The following NSUN7 variants were observed in gnomAD, a reference collection of about 807,000 sequenced individuals.
NSUN7 encodes NOP2/Sun RNA methyltransferase family member 7.
NSUN7 carries 39 observed loss-of-function variants against 58.5 expected under a neutral mutation model. The ratio of observed to expected loss-of-function variants is 0.67; its 90% confidence interval spans 0.52 to 0.87. The LOEUF (loss-of-function observed/expected upper bound fraction) is 0.87, where lower values mean the gene tolerates loss of function less well. NSUN7 is among the 40% of genes least tolerant of loss of function. NSUN7 has a pLI of 0.00. For missense variants in NSUN7, 765 were observed against 844.1 expected (o/e 0.91, Z 1.16); for synonymous variants, 278 against 303.7 (o/e 0.92, Z 0.88).
intron 7 of NSUN7, among the ~76,000 whole-genome samples, chr4:40,781,824 AG>A (rs58389838): frequency 0.016 from 2,446 of 152,350 alleles, 65 homozygotes; most frequent in African/African-American, 0.055. Flanking sequence ...AAAACTTCAA[AG>A]AACAGAAAAA....
Position 40,790,671 on chromosome 4 carries a change from T to C in NSUN7, c.1106T>C (p.Val369Ala). 6.2e-7 allele frequency: 1 copy of C among 1,603,102 alleles called. No individual in the cohort carries two copies. The highest frequency in any genetic ancestry group is 8.5e-7 in the Non-Finnish European group (1 of 1,173,718). The change falls in exon 8 of 12, where the codon GTG (valine) becomes GCG (alanine). Residue 369 changes from valine to alanine, a missense_variant. Coordinates refer to ENST00000381782, the MANE Select transcript of NSUN7 (RefSeq NM_024677.6). ...GATCACAGGTTACAGAAAGTTAAAG[T>C]GATTTTGCTGCTACCTCGTTGTTCA... The part of the protein sequence containing the change: ...SKDHRLQKVK[V>A]ILLLPRCSGL...
chr4:40,754,146 C>CT (rs375750265), intron 2 of NSUN7, among the ~76,000 whole-genome samples: 40,336 of 141,126 alleles, frequency 0.29, 5,836 homozygotes, highest in Middle Eastern at 0.34. Flanking sequence ...TGCTATTTTC[C>CT]TTTTTTTTTT....
chr4:40,807,023 C>T, intron 10 of NSUN7, 38 bp from the exon 11 acceptor site: 1 of 1,542,654 alleles, frequency 6.5e-7, no homozygotes. Context: ...GCAAAGAAGC[C>T]ATTCTAACTG....
chr4:40,780,754 T>TACAC (rs796117262), intron 7 of NSUN7, among the ~76,000 whole-genome samples: 10,827 of 103,816 alleles, frequency 0.1, 801 homozygotes, highest in Non-Finnish European at 0.14. Flanking sequence ...AACATTGAAA[T>TACAC]ACACACACAC....
chr4:40,750,401 T>G, intron 1 of NSUN7, 101 bp downstream of exon 1: 1 of 312,550 alleles, frequency 3.2e-6, no homozygotes, highest in South Asian at 4.7e-5. Context: ...AAGCCGTCGG[T>G]CTCCTTGGGG....
At chr4:40,759,838 C>T (rs747519805) in intron 2 of NSUN7, among the ~76,000 whole-genome samples, 10 of 152,136 alleles carry the variant, frequency 6.6e-5, no homozygotes, top group East Asian at 1.9e-4. Flanking sequence ...GTCAGGAATT[C>T]GAGACCAGCC....
At chr4:40,801,720 A>G (rs1743587921) in intron 10 of NSUN7, among the ~76,000 whole-genome samples, 1 of 152,030 alleles carries the variant, frequency 6.6e-6, no homozygotes, top group Non-Finnish European at 1.5e-5. Context: ...CAATGTGGTG[A>G]AACCTCATCT....
intron 7 of NSUN7, among the ~76,000 whole-genome samples, chr4:40,782,975 T>C (rs1742647261): frequency 6.6e-6 from 1 of 152,228 alleles, no homozygotes; most frequent in Admixed American, 6.5e-5. Flanking sequence ...ATTGCAGTTC[T>C]TATAAAAAGC....
rs552898959 is a variant in NSUN7, at chr4:40,771,265, A to G, written c.489-3000A>G. ...CTAGTCTCTGCTTCTCTGTGCCTCC[A>G]TTCTCTTATCATTCTATATTTCCAG... On this transcript the variant is annotated intron_variant, in intron 4 of 11. Transcript: ENST00000381782. 4.6e-5 allele frequency among the ~76,000 whole-genome samples: 7 copies of G among 152,302 alleles called. No individual in the cohort carries two copies. In the East Asian group the frequency reaches 1.4e-3, roughly 29 times the overall value.
chr4:40,807,349 T>C (rs948946546), intron 11 of NSUN7, among the ~76,000 whole-genome samples, 165 bp downstream of exon 11: 1 of 116,904 alleles, frequency 8.6e-6, no homozygotes, highest in African/African-American at 3.1e-5. Context: ...TAAGCCCTGT[T>C]CTTTTTTTTT....
intron 2 of NSUN7, among the ~76,000 whole-genome samples, chr4:40,755,828 G>C (rs1276984781): frequency 3.9e-5 from 6 of 152,244 alleles, no homozygotes; most frequent in African/African-American, 1.4e-4. Context: ...GAGTCCAGGA[G>C]AGACTAGACG....
At chr4:40,785,985 G>C in intron 7 of NSUN7, 1 of 1,309,630 alleles carries the variant, frequency 7.6e-7, no homozygotes, top group South Asian at 1.8e-5. Context: ...CAGCGGCTGG[G>C]AGAGACGCTG....
intron 7 of NSUN7, among the ~76,000 whole-genome samples, chr4:40,790,236 AG>A (rs1743019121): frequency 6.6e-6 from 1 of 152,202 alleles, no homozygotes; most frequent in Admixed American, 6.5e-5. Flanking sequence ...CATTTTATGA[AG>A]AAGGAAATGG....
At chr4:40,759,936 G>A (rs1200722180) in intron 2 of NSUN7, among the ~76,000 whole-genome samples, 1 of 152,182 alleles carries the variant, frequency 6.6e-6, no homozygotes, top group Non-Finnish European at 1.5e-5. Context: ...AGCTACTCTG[G>A]AGGCTGAGGC....
chr4:40,799,073 CTTTTTTTTTTTTT>C lies in NSUN7; in HGVS notation c.1400+186_1400+198del, dbSNP rs761448412. On this transcript the variant is annotated intron_variant, in intron 10 of 11. Transcript: ENST00000381782. ...AACCAAGATTCCATAGGGCCTTTTT[CTTTTTTTTTTTTT>C]TTTTTTTTTTTTTTTTAAAGATGGA... Among the ~76,000 whole-genome samples, 5 of 76,246 alleles carry C rather than the reference CTTTTTTTTTTTTT, an allele frequency of 6.6e-5. No individual in the cohort carries two copies. The South Asian group carries it at 1.4e-3, about 21-fold the overall frequency. The allele number at this position is 76,246 out of a possible 152,430, so 50.0% of individuals were successfully genotyped here.
chr4:40,777,628 A>T (rs1053554494), intron 7 of NSUN7, among the ~76,000 whole-genome samples: 2 of 152,184 alleles, frequency 1.3e-5, no homozygotes, highest in African/African-American at 4.8e-5. Context: ...TATCTTCTAA[A>T]TTTTTTCTAA....
chr4:40,790,746 G>T lies in NSUN7; in HGVS notation c.1180+1G>T, dbSNP rs1276387505. 1.9e-6 allele frequency: 3 copies of T among 1,564,670 alleles called. No individual in the cohort carries two copies. The highest frequency in any genetic ancestry group is 2.3e-5 in the East Asian group (1 of 43,592). On this transcript the variant is annotated splice_donor_variant, in intron 8 of 11. Transcript: ENST00000381782. LOFTEE classifies it high-confidence loss of function. ...GAATTTATTTTAAATGAACATGAAG[G>T]TACTTGTTTTAATTTCTAAATTATT...
rs1186837432 is a variant in NSUN7 at position 40,750,097 on chromosome 4, C to A, written c.-295C>A. 1 of 152,496 alleles carries A rather than the reference C, an allele frequency of 6.6e-6. No homozygotes were observed. The highest frequency in any genetic ancestry group is 1.9e-4 in the East Asian group (1 of 5,188). 9.4% of individuals were successfully genotyped at this position (152,496 alleles called of 1,614,324 possible). On this transcript the variant is annotated 5_prime_UTR_variant, in exon 1 of 12. Transcript: ENST00000381782. Reference sequence around the variant, plus strand: ...AGGCGAGGCCCCGAGGCGCCCACCACTTCACGACACCGGAGCGAACCGGGC... The same window carrying A: ...AGGCGAGGCCCCGAGGCGCCCACCAATTCACGACACCGGAGCGAACCGGGC...
intron 10 of NSUN7, among the ~76,000 whole-genome samples, chr4:40,799,908 T>A (rs1231329854): frequency 1.3e-5 from 2 of 151,554 alleles, no homozygotes; most frequent in African/African-American, 4.9e-5. Flanking sequence ...AAATTTGTAA[T>A]TTTTTTTGTT....
Sources: gnomAD v4.1 joint callset for allele counts (sites outside exome capture counted in the v4.1 genomes callset) on GRCh38, gnomAD v4.1.1 for gene constraint, MANE v1.5 for transcripts, NCBI Gene and HGNC (gene_info 2026-07-23, HGNC 2026-07-21) for gene names.